The following MAMDC2 variants were observed in gnomAD, a reference collection of about 807,000 sequenced individuals.
The protein encoded by MAMDC2 is MAM domain-containing protein 2.
A neutral mutation model predicts 89.8 loss-of-function variants in MAMDC2; 57 were observed. The observed-to-expected ratio is 0.63, with a 90% confidence interval of 0.51 to 0.79. The LOEUF (loss-of-function observed/expected upper bound fraction) is 0.79, where lower values mean the gene tolerates loss of function less well. MAMDC2 is among the 30% of genes least tolerant of loss of function. The pLI, the probability that MAMDC2 is intolerant of heterozygous loss-of-function variation, is 0.00. For missense variants in MAMDC2, 800 were observed against 820.6 expected, an observed-to-expected ratio of 0.97 and a Z score of 0.31; for synonymous variants, 313 against 293.4, an observed-to-expected ratio of 1.07 and a Z score of -0.68.
chr9:70,118,043 G>C (rs1028674953), intron 5 of MAMDC2, among the ~76,000 whole-genome samples: 1 of 152,142 alleles, frequency 6.6e-6, no homozygotes, highest in Non-Finnish European at 1.5e-5. Context: ...GATGCATAAG[G>C]GGGAGACAAA....
In MAMDC2 at chr9:70,226,310, T is replaced by C. The variant is rs2033639400; in HGVS notation, c.*278T>C. On this transcript the variant is annotated 3_prime_UTR_variant, in exon 14 of 14. Transcript: ENST00000377182. ...TTAAAAATACAAATGTACTATATTG[T>C]AGTCATTTTAAAGTACACAAAGGGC... 4.8e-6 allele frequency: 1 copy of C among 206,866 alleles called. No individual in the cohort carries two copies. Among genetic ancestry groups the C allele is most frequent in the Admixed American group, 5.8e-5 (1 of 17,262 alleles). The allele number at this position is 206,866 out of a possible 1,614,324, so 12.8% of individuals were successfully genotyped here.
intron 6 of MAMDC2, among the ~76,000 whole-genome samples, chr9:70,130,564 A>G (rs2030762332): frequency 1.3e-5 from 2 of 152,134 alleles, no homozygotes; most frequent in Admixed American, 1.3e-4. Flanking sequence ...CTCACAGTTA[A>G]AGTTGCTGGT....
chr9:70,218,768 G>A (rs1170489432), intron 12 of MAMDC2, among the ~76,000 whole-genome samples, 172 bp downstream of exon 12: 1 of 152,216 alleles, frequency 6.6e-6, no homozygotes, highest in Non-Finnish European at 1.5e-5. Context: ...AATCTAAGCA[G>A]TGACAGGGAG....
intron 11 of MAMDC2, among the ~76,000 whole-genome samples, chr9:70,206,964 C>A (rs534801572): frequency 1.4e-4 from 21 of 152,078 alleles, no homozygotes; most frequent in Admixed American, 4.6e-4. Context: ...AGAACTCATC[C>A]TTTTTTATGG....
At chr9:70,044,722 C>G (rs1444629390) in intron 2 of MAMDC2, 25 bp downstream of exon 2, 1 of 1,501,784 alleles carries the variant, frequency 6.7e-7, no homozygotes, top group Admixed American at 2.0e-5. Context: ...TGGAGAGGGG[C>G]GCGAAGTGAA....
At chr9:70,219,985 A>C (rs1268592909) in intron 12 of MAMDC2, among the ~76,000 whole-genome samples, 3 of 152,306 alleles carry the variant, frequency 2.0e-5, no homozygotes, top group African/African-American at 7.2e-5. Context: ...GTCCCACTTT[A>C]AAACGAATGA....
chr9:70,048,179 T>A (rs374476763), intron 2 of MAMDC2, among the ~76,000 whole-genome samples: 107 of 152,314 alleles, frequency 7.0e-4, no homozygotes, highest in African/African-American at 2.3e-3. Context: ...TTCCCTAACT[T>A]GTCAAGGGAA....
intron 12 of MAMDC2, among the ~76,000 whole-genome samples, chr9:70,223,196 A>G (rs1369171179): frequency 6.6e-6 from 1 of 150,596 alleles, no homozygotes; most frequent in Non-Finnish European, 1.5e-5. Context: ...TATGATGCCC[A>G]TAGTAATTTT....
chr9:70,146,373 T>C (rs139619707), intron 9 of MAMDC2, among the ~76,000 whole-genome samples: 1 of 152,274 alleles, frequency 6.6e-6, no homozygotes, highest in Non-Finnish European at 1.5e-5. Flanking sequence ...GGAGACAGTA[T>C]AGTTCAACAC....
chr9:70,149,049 T>TTA (rs1292764189), intron 9 of MAMDC2, among the ~76,000 whole-genome samples: 1 of 142,892 alleles, frequency 7.0e-6, no homozygotes, highest in Non-Finnish European at 1.5e-5. Flanking sequence ...AAAAAAATTT[T>TTA]TTTTTTTTTT....
rs111308721 is a variant in MAMDC2 at position 70,207,812 on chromosome 9, G to C, written c.1652-10525G>C. 4.0e-3 allele frequency among the ~76,000 whole-genome samples: 609 copies of C among 152,304 alleles called. 3 individuals carry two copies. Among genetic ancestry groups the C allele is most frequent in the Non-Finnish European group, 6.4e-3 (435 of 68,024 alleles). Reference sequence around the variant, plus strand: ...CCATCTTGAATTAATTTTTGTATAAGGTGTAAGGAAGGGATCCAGTTACAG... The same window carrying C: ...CCATCTTGAATTAATTTTTGTATAACGTGTAAGGAAGGGATCCAGTTACAG... On this transcript the variant is annotated intron_variant, in intron 11 of 13. Transcript: ENST00000377182.
chr9:70,080,610 GGCC>G (rs1417164579), intron 2 of MAMDC2, among the ~76,000 whole-genome samples: 1 of 152,144 alleles, frequency 6.6e-6, no homozygotes, highest in Non-Finnish European at 1.5e-5. Flanking sequence ...CAGTTGGTTG[GGCC>G]GTGTGTGTAT....
At chr9:70,204,614 C>T (rs1006233825) in intron 11 of MAMDC2, among the ~76,000 whole-genome samples, 13 of 151,680 alleles carry the variant, frequency 8.6e-5, no homozygotes, top group African/African-American at 1.9e-4. Flanking sequence ...GCTTTGTTTA[C>T]CTAAGCAAGC....
intron 3 of MAMDC2, 51 bp downstream of exon 3, chr9:70,108,533 C>A (rs777584130): frequency 3.4e-6 from 5 of 1,479,096 alleles, no homozygotes; most frequent in Non-Finnish European, 4.5e-6. Context: ...TTGCTTTATA[C>A]TATTCTAAAA....
chr9:70,197,618 G>A (rs768705247), intron 11 of MAMDC2, among the ~76,000 whole-genome samples: 6 of 152,046 alleles, frequency 3.9e-5, no homozygotes, highest in East Asian at 1.9e-4. Context: ...TAAAGTCACC[G>A]GTATGATCAA....
intron 5 of MAMDC2, 91 bp downstream of exon 5, chr9:70,113,223 T>A: frequency 6.9e-7 from 1 of 1,452,442 alleles, no homozygotes; most frequent in Non-Finnish European, 9.4e-7. Context: ...GTGGCTTCTG[T>A]CAACAGGGAA....
intron 7 of MAMDC2, among the ~76,000 whole-genome samples, chr9:70,135,871 C>T (rs920625137): frequency 6.6e-6 from 1 of 152,110 alleles, no homozygotes; most frequent in African/African-American, 2.4e-5. Context: ...TATATCCAGG[C>T]CAGGCATGGT....
At chr9:70,139,748 G>C (rs1209287282) in intron 7 of MAMDC2, among the ~76,000 whole-genome samples, 1 of 152,292 alleles carries the variant, frequency 6.6e-6, no homozygotes, top group African/African-American at 2.4e-5. Context: ...CAGTGTAAAA[G>C]TGTTCCTGTT....
intron 11 of MAMDC2, among the ~76,000 whole-genome samples, chr9:70,204,945 C>A (rs1333563446): frequency 6.6e-6 from 1 of 152,232 alleles, no homozygotes; most frequent in Non-Finnish European, 1.5e-5. Flanking sequence ...ACTGGCCTGC[C>A]CCCACTGTCT....
Sources: gnomAD v4.1 joint callset for allele counts (sites outside exome capture counted in the v4.1 genomes callset) on GRCh38, gnomAD v4.1.1 for gene constraint, MANE v1.5 for transcripts, NCBI Gene and HGNC (gene_info 2026-07-23, HGNC 2026-07-21) for gene names.